Variants in DTWD2 observed in about 807,000 individuals in gnomAD.
DTWD2 encodes the protein tRNA-uridine aminocarboxypropyltransferase 2.
A neutral mutation model predicts 31.8 loss-of-function variants in DTWD2; 39 were observed. The observed-to-expected ratio is 1.22, with a 90% CI of 0.95 to 1.60. The LOEUF (loss-of-function observed/expected upper bound fraction) is 1.60, where lower values mean the gene tolerates loss of function less well. DTWD2 is among the 40% of genes most tolerant of loss of function. DTWD2 has a pLI of 0.00. For missense variants in DTWD2, 515 were observed against 381.5 expected (o/e 1.35, Z -2.92); for synonymous variants, 180 against 142.8 (o/e 1.26, Z -1.86).
Position 118,836,265 on chromosome 5 carries a change from CTG to C in DTWD2, c.*4650_*4651del. 6.6e-6 allele frequency among the ~76,000 whole-genome samples: 1 copy of C among 152,020 alleles called. No homozygotes were observed. ...TTTATTTATTTATTTATTTGAGACACTGTCTCACTCTGTCGCCCAGGCTAGAG... is the reference window on the plus strand; with the variant it reads ...TTTATTTATTTATTTATTTGAGACACTCTCACTCTGTCGCCCAGGCTAGAG... On this transcript the variant is annotated 3_prime_UTR_variant, in exon 6 of 6. Coordinates refer to ENST00000510708, the MANE Select transcript of DTWD2 (RefSeq NM_173666.4).
chr5:118,981,833 C>T (rs79021653), intron 1 of DTWD2, among the ~76,000 whole-genome samples: 3,825 of 152,202 alleles, frequency 0.025, 169 homozygotes, highest in African/African-American at 0.086. Context: ...ATTAAAAATA[C>T]CCATGGCCAA....
chr5:118,949,206 G>C (rs983389386), intron 1 of DTWD2, among the ~76,000 whole-genome samples: 2 of 152,182 alleles, frequency 1.3e-5, no homozygotes, highest in African/African-American at 4.8e-5. Flanking sequence ...TGGATGGAAA[G>C]AAAGTAAATC....
chr5:118,879,609 C>CAAAAAAAAAAAAAAAA (rs775009585), intron 4 of DTWD2, among the ~76,000 whole-genome samples: 1 of 36,200 alleles, frequency 2.8e-5, no homozygotes, highest in Non-Finnish European at 6.1e-5. Context: ...GACTACAGCT[C>CAAAAAAAAAAAAAAAA]AAAAAAAAAA....
intron 3 of DTWD2, among the ~76,000 whole-genome samples, chr5:118,931,700 A>T (rs1485502374): frequency 2.0e-5 from 3 of 151,306 alleles, no homozygotes; most frequent in Admixed American, 6.6e-5. Context: ...AAAAATCAGT[A>T]AGGATATTGT....
At chr5:118,843,501 G>C (rs1286057576) in intron 5 of DTWD2, among the ~76,000 whole-genome samples, 1 of 152,170 alleles carries the variant, frequency 6.6e-6, no homozygotes, top group East Asian at 1.9e-4. Context: ...GAGAGGGAAT[G>C]CTAAAATAAC....
intron 1 of DTWD2, chr5:118,974,689 T>C (rs1252488088): frequency 2.0e-6 from 1 of 511,248 alleles, no homozygotes; most frequent in Non-Finnish European, 3.9e-6. Flanking sequence ...ATAAAAGGTT[T>C]CTTTTTTTTC....
At chr5:118,872,323 G>A (rs1019250754) in intron 4 of DTWD2, among the ~76,000 whole-genome samples, 11 of 152,090 alleles carry the variant, frequency 7.2e-5, no homozygotes, top group African/African-American at 2.7e-4. Flanking sequence ...TTCACAACTT[G>A]GCTATCTAGC....
At chr5:118,860,795 A>C (rs1285796384) in intron 4 of DTWD2, among the ~76,000 whole-genome samples, 3 of 152,280 alleles carry the variant, frequency 2.0e-5, no homozygotes, top group African/African-American at 7.2e-5. Context: ...CTAAGGGCTC[A>C]TTTAAACTTA....
intron 4 of DTWD2, among the ~76,000 whole-genome samples, chr5:118,893,027 T>G (rs1198363714): frequency 1.3e-5 from 2 of 151,866 alleles, no homozygotes; most frequent in Non-Finnish European, 2.9e-5. Flanking sequence ...GTTAAAAATA[T>G]ATATATATAT....
rs548332150 is a variant in DTWD2 at position 118,917,914 on chromosome 5, G to A, written c.597+10623C>T. Among the ~76,000 whole-genome samples the A allele has an allele frequency of 1.9e-3, 287 of 151,748 alleles. 1 individual carries two copies. Among genetic ancestry groups the A allele is most frequent in the Non-Finnish European group, 2.6e-3 (178 of 67,946 alleles). On this transcript the variant is annotated intron_variant, in intron 4 of 5. Coordinates refer to ENST00000510708, the MANE Select transcript of DTWD2 (RefSeq NM_173666.4). Reference sequence around the variant, plus strand: ...CAGGAGGCAGACGTTGTAGTGAGCCGAGATCGCACCACTGCACTCTAGCCT... The same window carrying A: ...CAGGAGGCAGACGTTGTAGTGAGCCAAGATCGCACCACTGCACTCTAGCCT...
chr5:118,961,230 A>C (rs988585336), intron 1 of DTWD2, among the ~76,000 whole-genome samples: 8 of 152,152 alleles, frequency 5.3e-5, no homozygotes, highest in South Asian at 2.1e-4. Flanking sequence ...GGATCAACTA[A>C]GACTGAGAAT....
chr5:118,885,193 C>A (rs889705827), intron 4 of DTWD2, among the ~76,000 whole-genome samples: 1 of 151,314 alleles, frequency 6.6e-6, no homozygotes, highest in Non-Finnish European at 1.5e-5. Flanking sequence ...GTGTCTCATG[C>A]CTGTAATCCC....
At chr5:118,959,100 G>A (rs992334079) in intron 1 of DTWD2, among the ~76,000 whole-genome samples, 31 of 152,118 alleles carry the variant, frequency 2.0e-4, no homozygotes, top group African/African-American at 7.5e-4. Flanking sequence ...CCTGGCCAGA[G>A]AAATCCGGCA....
At chr5:118,877,255 A>G (rs750553136) in intron 4 of DTWD2, among the ~76,000 whole-genome samples, 19 of 152,112 alleles carry the variant, frequency 1.2e-4, no homozygotes, top group Non-Finnish European at 2.4e-4. Flanking sequence ...GGTGGATCAC[A>G]AGGTCAGGAG....
chr5:118,876,159 A>G (rs972234129), intron 4 of DTWD2, among the ~76,000 whole-genome samples: 4 of 152,220 alleles, frequency 2.6e-5, no homozygotes, highest in African/African-American at 9.7e-5. Flanking sequence ...GAAACTAATC[A>G]GAACAAAGCT....
At chr5:118,856,305 G>A (rs1209800320) in intron 4 of DTWD2, among the ~76,000 whole-genome samples, 1 of 151,882 alleles carries the variant, frequency 6.6e-6, no homozygotes, top group Non-Finnish European at 1.5e-5. Flanking sequence ...GTTATCTCAG[G>A]TATTCATCCA....
rs144894010 is a variant in DTWD2 at position 118,916,360 on chromosome 5, C to A, written c.597+12177G>T. 4.1e-3 allele frequency among the ~76,000 whole-genome samples: 623 copies of A among 152,178 alleles called. 8 individuals are homozygous for A. Among genetic ancestry groups the A allele is most frequent in the East Asian group, 0.03 (153 of 5,170 alleles). On this transcript the variant is annotated intron_variant, in intron 4 of 5. Coordinates refer to ENST00000510708, the MANE Select transcript of DTWD2 (RefSeq NM_173666.4). ...TCCCATACTCTGATTTATAATACATCACTAGTCTATTAAAAGACATTAAGG... is the reference window on the plus strand; with the variant it reads ...TCCCATACTCTGATTTATAATACATAACTAGTCTATTAAAAGACATTAAGG...
chr5:118,863,432 G>A (rs746813800), intron 4 of DTWD2, among the ~76,000 whole-genome samples: 1 of 152,094 alleles, frequency 6.6e-6, no homozygotes, highest in Admixed American at 6.5e-5. Context: ...TCTTATTCAA[G>A]AAGTCCTTTC....
intron 4 of DTWD2, among the ~76,000 whole-genome samples, chr5:118,912,599 A>C (rs1283961437): frequency 6.6e-6 from 1 of 152,094 alleles, no homozygotes; most frequent in Non-Finnish European, 1.5e-5. Flanking sequence ...CAATTTTTTC[A>C]TGGCTAATTC....
Sources: allele counts gnomAD v4.1 joint callset (sites outside exome capture counted in the v4.1 genomes callset), GRCh38; gene constraint gnomAD v4.1.1; transcripts MANE v1.5; gene names NCBI Gene and HGNC (gene_info 2026-07-23, HGNC 2026-07-21).